Variants in NAPRT observed in about 807,000 individuals in gnomAD.
The protein encoded by NAPRT is FHA-HIT-interacting protein.
NAPRT carries 66 observed loss-of-function variants against 60.7 expected under a neutral mutation model. The ratio of observed to expected loss-of-function variants is 1.09; its 90% CI spans 0.89 to 1.33. The LOEUF is 1.33. Among genes scored for constraint, NAPRT ranks in the 40% most tolerant of loss-of-function variants. The pLI, the probability that NAPRT is intolerant of heterozygous loss-of-function variation, is 0.00. For synonymous variants in NAPRT, 405 were observed against 335.7 expected (o/e 1.21, Z -2.26); for missense variants, 818 against 731.5 (o/e 1.12, Z -1.36).
Position 143,577,122 on chromosome 8 carries a change from G to C in NAPRT, c.624C>G (p.Ala208=). ...LAGQLRGVPV[A]GTLAHSFVTS... ...TGACGAAGGAGTGGGCCAGGGTCCC[G>C]GCCACCGGCACACCTCGCAGCTGGC... Residue 208 remains alanine (A), a synonymous_variant, in exon 5 of 13, where the codon GCC becomes GCG. Coordinates refer to ENST00000449291, the MANE Select transcript of NAPRT (RefSeq NM_145201.6). 6.2e-7 allele frequency: 1 copy of C among 1,612,986 alleles called. No individual in the cohort carries two copies. The highest frequency in any genetic ancestry group is 8.5e-7 in the Non-Finnish European group (1 of 1,179,930).
rs1824345954 is a variant in NAPRT at position 143,575,229 on chromosome 8, C to T, written c.1408G>A (p.Val470Met). The stretch of plus-strand genomic sequence containing the variant: ...AGGCAGAGCCGCAGTAGTGGCTCCA[C>T]CTGGGCTGGCCTCACGGTGCAGGGC... ...QEPCTVRPAQ[V>M]EPLLRLCLQQ... The change falls in exon 11 of 13, where the codon GTG becomes ATG. Residue 470 changes from valine (V) to methionine (M), a missense_variant. Coordinates refer to ENST00000449291, the MANE Select transcript of NAPRT (RefSeq NM_145201.6). 1 of 1,611,962 alleles carries T rather than the reference C, an allele frequency of 6.2e-7. No homozygotes were observed. The highest frequency in any genetic ancestry group is 1.3e-5 in the African/African-American group (1 of 74,906).
At position 143,575,094 on chromosome 8, in the gene NAPRT, C is replaced by G; in HGVS notation, c.1447-1G>C. 6.6e-7 allele frequency: 1 copy of G among 1,523,698 alleles called. No individual in the cohort carries two copies. Among genetic ancestry groups the G allele is most frequent in the Non-Finnish European group, 8.8e-7 (1 of 1,131,002 alleles). The allele number at this position is 1,523,698 out of a possible 1,614,324, so 94.4% of individuals were successfully genotyped here. ...CCAGGGATGGGAGCGGCTCACACAG[C>G]TGCAGGGAGGAGGTAAGGAAAGAGA... On this transcript the variant is annotated splice_acceptor_variant, in intron 11 of 12. Coordinates refer to ENST00000449291, the MANE Select transcript of NAPRT (RefSeq NM_145201.6). LOFTEE classifies it high-confidence loss of function.
At chr8:143,577,001 G>C in intron 5 of NAPRT, 61 bp downstream of exon 5, 1 of 1,572,194 alleles carries the variant, frequency 6.4e-7, no homozygotes. Context: ...CCTCTCGCCA[G>C]GGCAAGGGCT....
rs1429209812 is a variant in NAPRT, at chr8:143,577,648, G to A, written c.437+9C>T. The A allele has an allele frequency of 6.5e-7, 1 of 1,536,484 alleles. No individual in the cohort carries two copies. The highest frequency in any genetic ancestry group is 8.7e-7 in the Non-Finnish European group (1 of 1,146,468). On this transcript the variant is annotated intron_variant, in intron 3 of 12. Transcript: ENST00000449291. Reference sequence around the variant, plus strand: ...TGCCCACGCTCCCTGCCAGTGGCCCGCAGCCCACCTGGCGTAGCTGACCAG... The same window carrying A: ...TGCCCACGCTCCCTGCCAGTGGCCCACAGCCCACCTGGCGTAGCTGACCAG...
intron 2 of NAPRT, 28 bp from the exon 3 acceptor site, chr8:143,577,767 T>C (rs1320157060): frequency 2.6e-6 from 4 of 1,566,430 alleles, no homozygotes; most frequent in Non-Finnish European, 3.5e-6. Flanking sequence ...AGCTCCGCGC[T>C]CGGCCCAGCA....
rs1279637669 is a variant in NAPRT, at chr8:143,577,281, T to C, written c.556A>G (p.Ser186Gly). Residue 186 changes from serine to glycine, a missense_variant, in exon 4 of 13, where the codon AGC becomes GGC. Physicochemically the swap from Ser to Gly is moderately conservative, Grantham distance 56 (BLOSUM62 0). Transcript: ENST00000449291. ...ACCAGACACTCACCGCCCAGGTAGC[T>C]GTAGGTGGAGGCTGTCAGGCCCCCA... ...PDGGLTASTY[S>G]YLGGFDSSSN... 2 of 1,609,592 alleles carry C rather than the reference T, an allele frequency of 1.2e-6. No homozygotes were observed. Among genetic ancestry groups the C allele is most frequent in the African/African-American group, 1.3e-5 (1 of 74,998 alleles).
chr8:143,578,065 G>A lies in NAPRT; in HGVS notation c.226+28C>T, dbSNP rs536328806. The stretch of plus-strand genomic sequence containing the variant: ...AGGTGGGGGTTTCTGCCGGGCGTGG[G>A]GGGCTCGTCGCGCGGACGGGGGACT... On this transcript the variant is annotated intron_variant, in intron 1 of 12. Coordinates refer to ENST00000449291, the MANE Select transcript of NAPRT (RefSeq NM_145201.6). 4.0e-6 allele frequency: 6 copies of A among 1,501,586 alleles called. No individual in the cohort carries two copies. In the South Asian group the frequency reaches 5.1e-5, roughly 13 times the overall value. The allele number at this position is 1,501,586 out of a possible 1,614,324, so 93.0% of individuals were successfully genotyped here. A position where few individuals can be genotyped will look rare whatever the true frequency, so the allele number is the denominator to read the frequency against.
In NAPRT at chr8:143,577,685, G is replaced by C; in HGVS notation, c.409C>G (p.Pro137Ala). The C allele has an allele frequency of 6.5e-7, 1 of 1,541,392 alleles. No individual in the cohort carries two copies. ...PLLVVQLLET[P>A]LLCLVSYASL... ...GCGTAGCTGACCAGGCAGAGCAGCG[G>C]TGTCTCCAGCAGCTGCACCACCAGG... is the stretch of plus-strand genomic sequence containing the variant. The change falls in exon 3 of 13, where the codon CCG (proline) becomes GCG (alanine). Residue 137 changes from proline to alanine, a missense_variant. Transcript: ENST00000449291.
At chr8:143,576,610 T>C in intron 6 of NAPRT, 36 bp downstream of exon 6, 1 of 1,605,426 alleles carries the variant, frequency 6.2e-7, no homozygotes, top group South Asian at 1.1e-5. Context: ...GCTGCTGAGG[T>C]TCTGCTGAGC....
At chr8:143,576,208 C>T in intron 7 of NAPRT, 46 bp from the exon 8 acceptor site, 5 of 1,510,240 alleles carry the variant, frequency 3.3e-6, no homozygotes, top group Non-Finnish European at 4.5e-6. Flanking sequence ...CTCGGGTCTT[C>T]CTGATTCACC....
Position 143,574,827 on chromosome 8 carries a change from C to G in NAPRT, c.*11G>C. The G allele has an allele frequency of 6.4e-7, 1 of 1,550,690 alleles. No homozygotes were observed. The highest frequency in any genetic ancestry group is 8.7e-7 in the Non-Finnish European group (1 of 1,146,990). ...GATTCGTGTTGTTTCCAGTCAGCCC[C>G]GCTCCGAGTCTCAGGGGGACTGCCC... On this transcript the variant is annotated 3_prime_UTR_variant, in exon 13 of 13. Coordinates refer to ENST00000449291, the MANE Select transcript of NAPRT (RefSeq NM_145201.6).
Position 143,575,296 on chromosome 8 carries a change from C to G in NAPRT, c.1341G>C (p.Gln447His). ...MLQLAEEPVP[Q>H]AGQELRVWPP... The stretch of plus-strand genomic sequence containing the variant: ...GCCACACCCTCAGCTCCTGCCCAGC[C>G]TGTGGCACTGGCTCTTCTGCTAACT... Residue 447 changes from glutamine to histidine, a missense_variant, in exon 11 of 13, where the codon CAG becomes CAC. Transcript: ENST00000449291. The G allele has an allele frequency of 6.2e-7, 1 of 1,612,810 alleles. No homozygotes were observed. The highest frequency in any genetic ancestry group is 8.5e-7 in the Non-Finnish European group (1 of 1,179,970).
chr8:143,577,624 G>A, intron 3 of NAPRT, 33 bp downstream of exon 3: 4 of 1,533,802 alleles, frequency 2.6e-6, no homozygotes, highest in Non-Finnish European at 3.5e-6. Context: ...CCCATCCCAT[G>A]CCCACGCTCC....
At position 143,575,293 on chromosome 8, in the gene NAPRT, A is replaced by G; in HGVS notation, c.1344T>C (p.Ala448=). ...LQLAEEPVPQ[A]GQELRVWPPG... ...GAGGCCACACCCTCAGCTCCTGCCC[A>G]GCCTGTGGCACTGGCTCTTCTGCTA... The change falls in exon 11 of 13, where the codon GCT becomes GCC. Residue 448 remains alanine, a synonymous_variant. Coordinates refer to ENST00000449291, the MANE Select transcript of NAPRT (RefSeq NM_145201.6). The G allele has an allele frequency of 6.2e-7, 1 of 1,612,772 alleles. No individual in the cohort carries two copies. The highest frequency in any genetic ancestry group is 8.5e-7 in the Non-Finnish European group (1 of 1,179,958).
chr8:143,576,393 G>A (rs772121118), intron 7 of NAPRT, 39 bp downstream of exon 7: 3 of 1,575,176 alleles, frequency 1.9e-6, no homozygotes, highest in Admixed American at 1.8e-5. Flanking sequence ...AAACCCCGGG[G>A]ATCTCCCACC....
In NAPRT at chr8:143,578,320, C is replaced by A. The variant is rs1218373285; in HGVS notation, c.-2G>T. On this transcript the variant is annotated 5_prime_UTR_variant, in exon 1 of 13. The change creates a new upstream start codon in the 5' untranslated region. Coordinates refer to ENST00000449291, the MANE Select transcript of NAPRT (RefSeq NM_145201.6). ...CTCGGGGTCCTGCTCCGCCGCCATC[C>A]TGCTCCCGACGTCCGGACTCCGCCC... 7.4e-7 allele frequency: 1 copy of A among 1,356,896 alleles called. No individual in the cohort carries two copies. Among genetic ancestry groups the A allele is most frequent in the Non-Finnish European group, 9.4e-7 (1 of 1,063,538 alleles). 84.1% of individuals were successfully genotyped at this position (1,356,896 alleles called of 1,614,324 possible). A position where few individuals can be genotyped will look rare whatever the true frequency, so the allele number is the denominator to read the frequency against.
Position 143,574,978 on chromosome 8 carries a change from C to A in NAPRT, c.1554+8G>T. The A allele has an allele frequency of 4.5e-6, 7 of 1,544,558 alleles. No individual in the cohort carries two copies. The highest frequency in any genetic ancestry group is 6.1e-6 in the Non-Finnish European group (7 of 1,143,596). ...AGGGCAGAATGACAGGGTGGGCCTC[C>A]CCCCAACCTGGTACTGTGCAGGGCT... On this transcript the variant is annotated splice_region_variant and intron_variant, in intron 12 of 12. Transcript: ENST00000449291.
downstream of NAPRT, among the ~76,000 whole-genome samples, chr8:143,573,330 G>A (rs1249326905): frequency 6.6e-6 from 1 of 152,316 alleles, no homozygotes; most frequent in East Asian, 1.9e-4. Flanking sequence ...CCCCTCCAGA[G>A]CTTGTGCAGG....
intron 3 of NAPRT, 63 bp downstream of exon 3, chr8:143,577,594 C>T: frequency 6.6e-7 from 1 of 1,523,150 alleles, no homozygotes; most frequent in Non-Finnish European, 8.8e-7. Flanking sequence ...CAGTCCAGCA[C>T]GGAGCCCCGG....
Sources: gnomAD v4.1 joint callset for allele counts (sites outside exome capture counted in the v4.1 genomes callset) on GRCh38, gnomAD v4.1.1 for gene constraint, MANE v1.5 for transcripts, NCBI Gene and HGNC (gene_info 2026-07-23, HGNC 2026-07-21) for gene names.